EHBP1: variants seen among roughly 807,000 people sequenced by gnomAD.
The protein encoded by EHBP1 is EH domain binding protein 1.
In EHBP1, 55 loss-of-function variants were observed where a neutral mutation model predicts 144.0. The observed-to-expected ratio is 0.38, with a 90% CI of 0.31 to 0.48. The LOEUF (loss-of-function observed/expected upper bound fraction) is 0.48, where lower values mean the gene tolerates loss of function less well. EHBP1 is among the 20% of genes least tolerant of loss of function. The pLI is 0.98. For missense variants in EHBP1, 1,200 were observed against 1,364.2 expected, an observed-to-expected ratio of 0.88 and a Z score of 1.90; for synonymous variants, 469 against 472.7, an observed-to-expected ratio of 0.99 and a Z score of 0.10.
intron 7 of EHBP1, among the ~76,000 whole-genome samples, chr2:62,849,547 A>G (rs1242621511): frequency 2.0e-5 from 3 of 152,248 alleles, no homozygotes; most frequent in South Asian, 2.1e-4. Flanking sequence ...TAATATTTCT[A>G]TAGATAAATG....
intron 10 of EHBP1, among the ~76,000 whole-genome samples, chr2:62,930,515 A>G (rs1281649811): frequency 2.0e-5 from 3 of 152,200 alleles, no homozygotes; most frequent in African/African-American, 7.2e-5. Context: ...TTTTGTAAAA[A>G]TACAAAAATC....
intron 10 of EHBP1, among the ~76,000 whole-genome samples, chr2:62,937,972 G>T (rs771422887): frequency 6.6e-6 from 1 of 152,118 alleles, no homozygotes; most frequent in Non-Finnish European, 1.5e-5. Flanking sequence ...GGAAGATTTT[G>T]CAGTGGTGAA....
intron 7 of EHBP1, among the ~76,000 whole-genome samples, chr2:62,852,521 TTC>T (rs1428929670): frequency 8.5e-5 from 13 of 152,234 alleles, no homozygotes; most frequent in African/African-American, 3.1e-4. Flanking sequence ...TGAATAATAA[TTC>T]TTTTTTGATT....
chr2:62,729,857 A>C (rs1294167425), intron 2 of EHBP1, among the ~76,000 whole-genome samples: 3 of 151,676 alleles, frequency 2.0e-5, no homozygotes, highest in African/African-American at 7.3e-5. Flanking sequence ...TCGAGTACCA[A>C]ATTTGTTGTC....
intron 5 of EHBP1, among the ~76,000 whole-genome samples, chr2:62,795,842 A>G (rs1464408789): frequency 6.6e-6 from 1 of 152,078 alleles, no homozygotes; most frequent in Non-Finnish European, 1.5e-5. Flanking sequence ...AATAGATAAT[A>G]GCCTGAAGAA....
intron 10 of EHBP1, among the ~76,000 whole-genome samples, chr2:62,885,319 G>A (rs974455795): frequency 3.9e-5 from 6 of 152,072 alleles, no homozygotes; most frequent in African/African-American, 1.4e-4. Flanking sequence ...GAGCCCCTCA[G>A]TATCATAAAT....
chr2:62,727,785 C>T (rs2036977634), intron 2 of EHBP1, among the ~76,000 whole-genome samples: 1 of 152,156 alleles, frequency 6.6e-6, no homozygotes, highest in South Asian at 2.1e-4. Flanking sequence ...TTACAGATCA[C>T]AGGCTCTTTG....
chr2:62,748,565 T>TGA (rs2039374367), intron 3 of EHBP1, among the ~76,000 whole-genome samples: 1 of 151,966 alleles, frequency 6.6e-6, no homozygotes, highest in Admixed American at 6.6e-5. Flanking sequence ...GAGGTTGAGA[T>TGA]GAGAGGATTG....
chr2:63,045,702 AT>A lies in EHBP1; in HGVS notation c.*209del, dbSNP rs1324191074. 2.8e-5 allele frequency: 15 copies of A among 530,424 alleles called. No homozygotes were observed. Among genetic ancestry groups the A allele is most frequent in the Non-Finnish European group, 5.1e-5 (15 of 296,412 alleles). 32.9% of individuals were successfully genotyped at this position (530,424 alleles called of 1,614,324 possible). Reference sequence around the variant, plus strand: ...AACTCCAAAATAGCTTCATTTAAGGATTTTTTTGTGAGTTAACAATTTCCTT... The same window carrying A: ...AACTCCAAAATAGCTTCATTTAAGGATTTTTTGTGAGTTAACAATTTCCTT... On this transcript the variant is annotated 3_prime_UTR_variant, in exon 23 of 23. Coordinates refer to ENST00000431489, the MANE Select transcript of EHBP1 (RefSeq NM_001142616.3). This position sits in a 1 kb window ranked among gnomAD's most constrained non-coding sequence, Gnocchi z 5.7.
intron 19 of EHBP1, among the ~76,000 whole-genome samples, chr2:63,004,836 T>C (rs1334415364): frequency 6.6e-6 from 1 of 152,118 alleles, no homozygotes; most frequent in Non-Finnish European, 1.5e-5. Flanking sequence ...AACTTCAATA[T>C]GCATCAGAAT....
chr2:62,778,787 A>G (rs2042223908), intron 5 of EHBP1, among the ~76,000 whole-genome samples: 1 of 152,224 alleles, frequency 6.6e-6, no homozygotes, highest in Non-Finnish European at 1.5e-5. Flanking sequence ...TTGATCTCGC[A>G]AAATAACAAT....
chr2:62,847,979 A>G (rs2048411238), intron 7 of EHBP1, among the ~76,000 whole-genome samples: 1 of 152,192 alleles, frequency 6.6e-6, no homozygotes, highest in African/African-American at 2.4e-5. Flanking sequence ...TAAAATTTAA[A>G]AGATTGGCAC....
At chr2:62,940,284 C>G in intron 10 of EHBP1, 1 of 247,258 alleles carries the variant, frequency 4.0e-6, no homozygotes, top group Admixed American at 3.8e-5. Context: ...ATTGCAGATG[C>G]TTAGGTCAGC....
At chr2:63,028,754 A>G (rs1315135238) in intron 19 of EHBP1, among the ~76,000 whole-genome samples, 2 of 152,200 alleles carry the variant, frequency 1.3e-5, no homozygotes, top group African/African-American at 2.4e-5. Context: ...CCATACTTTC[A>G]GTAGAATCTA....
At chr2:62,906,009 A>T (rs976192258) in intron 10 of EHBP1, among the ~76,000 whole-genome samples, 1 of 114,142 alleles carries the variant, frequency 8.8e-6, no homozygotes, top group African/African-American at 2.6e-5. Flanking sequence ...CGTTGTATAT[A>T]AAAAAAAACT....
At chr2:62,944,303 A>C (rs2056940318) in intron 12 of EHBP1, among the ~76,000 whole-genome samples, 1 of 152,230 alleles carries the variant, frequency 6.6e-6, no homozygotes, top group African/African-American at 2.4e-5. Context: ...AACCGTATAC[A>C]GTTATTGCGC....
intron 5 of EHBP1, among the ~76,000 whole-genome samples, chr2:62,808,174 G>A (rs2044663622): frequency 6.6e-6 from 1 of 150,882 alleles, no homozygotes; most frequent in African/African-American, 2.4e-5. Flanking sequence ...CATTAATTTG[G>A]GGGAAATTCC....
intron 14 of EHBP1, among the ~76,000 whole-genome samples, chr2:62,957,699 G>A (rs913055490): frequency 1.1e-4 from 13 of 121,798 alleles, no homozygotes; most frequent in East Asian, 5.4e-4. Flanking sequence ...AGGCTGGAGC[G>A]CAGTGGTGCG....
At chr2:62,748,169 T>A (rs1292231389) in intron 3 of EHBP1, among the ~76,000 whole-genome samples, 1 of 152,148 alleles carries the variant, frequency 6.6e-6, no homozygotes, top group Non-Finnish European at 1.5e-5. Context: ...CTAAGATTAA[T>A]TTATTTAGAT....
Sources: gnomAD v4.1 joint callset for allele counts (sites outside exome capture counted in the v4.1 genomes callset) on GRCh38, gnomAD v4.1.1 for gene constraint, Gnocchi (gnomAD v3.1) non-coding constraint, MANE v1.5 for transcripts, NCBI Gene and HGNC (gene_info 2026-07-23, HGNC 2026-07-21) for gene names.